The following HECW2 variants were observed in gnomAD, a reference collection of about 807,000 sequenced individuals.
HECW2 encodes the protein HECT, C2 and WW domain containing E3 ubiquitin protein ligase 2, also known as E3 ubiquitin-protein ligase HECW2.
HECW2 carries 61 observed loss-of-function variants against 175.2 expected under a neutral mutation model. That is an observed-to-expected ratio of 0.35 (90% CI 0.28 to 0.43). The LOEUF (loss-of-function observed/expected upper bound fraction) is 0.43. HECW2 is among the 20% of genes least tolerant of loss of function. HECW2 has a pLI of 1.00. For synonymous variants in HECW2, 671 were observed against 731.0 expected, an observed-to-expected ratio of 0.92 and a Z score of 1.32; for missense variants, 1,524 against 2,000.5, an observed-to-expected ratio of 0.76 and a Z score of 4.54.
intron 2 of HECW2, among the ~76,000 whole-genome samples, chr2:196,426,586 T>C (rs1419093951): frequency 6.6e-6 from 1 of 152,108 alleles, no homozygotes; most frequent in Admixed American, 6.6e-5. Context: ...GTCAATTAGA[T>C]AGTTTAAAGG....
chr2:196,239,334 T>A (rs191741635), intron 21 of HECW2: 1 of 152,110 alleles, frequency 6.6e-6, no homozygotes, highest in East Asian at 1.9e-4. Context: ...TAGGAAAAAA[T>A]TCAGATGGGC....
chr2:196,338,936 G>A (rs1313489615), intron 3 of HECW2, among the ~76,000 whole-genome samples: 1 of 152,128 alleles, frequency 6.6e-6, no homozygotes, highest in African/African-American at 2.4e-5. Context: ...ATGCTCACTT[G>A]TCAGTTACAT....
intron 1 of HECW2, among the ~76,000 whole-genome samples, chr2:196,467,379 G>A (rs919896714): frequency 2.6e-5 from 4 of 152,074 alleles, no homozygotes; most frequent in Admixed American, 6.6e-5. Context: ...GGGAGGGAGA[G>A]GAAGGAGGGA....
intron 14 of HECW2, chr2:196,290,414 T>A (rs1380535835): frequency 3.3e-5 from 5 of 152,276 alleles, no homozygotes; most frequent in Non-Finnish European, 5.9e-5. Context: ...AGAACCTCTC[T>A]CCTAAAGTGT....
intron 17 of HECW2, chr2:196,264,108 T>C (rs969660203): frequency 2.6e-5 from 4 of 152,204 alleles, no homozygotes; most frequent in African/African-American, 9.6e-5. Flanking sequence ...TTTGTTTGCT[T>C]TGTAAGAAAT....
chr2:196,262,776 G>C (rs752374326), intron 17 of HECW2, among the ~76,000 whole-genome samples: 4 of 151,986 alleles, frequency 2.6e-5, no homozygotes, highest in Non-Finnish European at 5.9e-5. Flanking sequence ...TGTTGGCCAG[G>C]TGAACTCCTG....
intron 1 of HECW2, among the ~76,000 whole-genome samples, chr2:196,446,154 G>C (rs1696179506): frequency 1.3e-5 from 2 of 152,092 alleles, no homozygotes; most frequent in Non-Finnish European, 1.5e-5. Flanking sequence ...CACCGCTCCA[G>C]TCCCACTGCT....
chr2:196,301,489 C>T (rs1691050319), intron 13 of HECW2, among the ~76,000 whole-genome samples: 1 of 152,136 alleles, frequency 6.6e-6, no homozygotes, highest in Non-Finnish European at 1.5e-5. Flanking sequence ...TTTACACTCC[C>T]ACCGAAAGTG....
chr2:196,504,613 C>A (rs1393279858), intron 1 of HECW2, among the ~76,000 whole-genome samples: 1 of 152,214 alleles, frequency 6.6e-6, no homozygotes, highest in African/African-American at 2.4e-5. Flanking sequence ...CTTTAGAGTT[C>A]AGCAAGCCTC....
intron 2 of HECW2, among the ~76,000 whole-genome samples, chr2:196,397,139 A>AAAAAAAAACAAAAC (rs1559086778): frequency 0.019 from 329 of 17,308 alleles, no homozygotes; most frequent in African/African-American, 0.037. Context: ...CAAAACAAAA[A>AAAAAAAAACAAAAC]AAAAAAAAAC....
intron 2 of HECW2, among the ~76,000 whole-genome samples, chr2:196,373,372 A>C (rs376511707): frequency 3.9e-5 from 6 of 152,228 alleles, no homozygotes; most frequent in African/African-American, 1.4e-4. Flanking sequence ...TACCACATAC[A>C]TTTGTTTCAG....
intron 2 of HECW2, among the ~76,000 whole-genome samples, chr2:196,360,126 G>C (rs937336121): frequency 2.0e-5 from 3 of 152,072 alleles, no homozygotes; most frequent in Non-Finnish European, 2.9e-5. Context: ...TACACAAAAA[G>C]AGCAGGGTAG....
chr2:196,283,770 A>G (rs1038137277), intron 14 of HECW2, among the ~76,000 whole-genome samples: 4 of 152,220 alleles, frequency 2.6e-5, no homozygotes, highest in African/African-American at 9.6e-5. Flanking sequence ...AAGTTTCCAC[A>G]CTGCAGAGGA....
intron 28 of HECW2, among the ~76,000 whole-genome samples, chr2:196,202,869 T>TAA (rs2105759170): frequency 6.6e-6 from 1 of 152,312 alleles, no homozygotes; most frequent in African/African-American, 2.4e-5. Context: ...TGCATATATA[T>TAA]AATGAGATAT....
intron 10 of HECW2, 27 bp downstream of exon 10, chr2:196,317,247 G>T: frequency 6.6e-7 from 1 of 1,522,138 alleles, no homozygotes; most frequent in Non-Finnish European, 9.1e-7. Flanking sequence ...TGATTAAGGT[G>T]GGCCCTTTTA....
At chr2:196,415,692 G>A (rs939544913) in intron 2 of HECW2, among the ~76,000 whole-genome samples, 19 of 152,300 alleles carry the variant, frequency 1.2e-4, no homozygotes, top group African/African-American at 3.6e-4. Flanking sequence ...GAAGCTTTCT[G>A]CTTAAACTGG....
chr2:196,295,405 C>G (rs553995513), intron 13 of HECW2, among the ~76,000 whole-genome samples: 1 of 152,058 alleles, frequency 6.6e-6, no homozygotes, highest in Non-Finnish European at 1.5e-5. Context: ...CTCAGTGTTG[C>G]TGATATATTT....
chr2:196,213,580 T>G (rs1380135387), intron 28 of HECW2, among the ~76,000 whole-genome samples: 2 of 152,202 alleles, frequency 1.3e-5, no homozygotes, highest in Non-Finnish European at 2.9e-5. Flanking sequence ...AGAGGCTGCT[T>G]GCTCAATGTG....
intron 3 of HECW2, 113 bp from the exon 4 acceptor site, chr2:196,334,631 T>A: frequency 1.3e-6 from 1 of 795,672 alleles, no homozygotes. Context: ...TGACTCTGAA[T>A]GACCTCTTTT....
Sources: allele counts gnomAD v4.1 joint callset (sites outside exome capture counted in the v4.1 genomes callset), GRCh38; gene constraint gnomAD v4.1.1; transcripts MANE v1.5; gene names NCBI Gene and HGNC (gene_info 2026-07-23, HGNC 2026-07-21).